BFSP1: variants seen among roughly 807,000 people sequenced by gnomAD.
BFSP1 encodes the protein beaded filament structural protein 1.
In BFSP1, 38 loss-of-function variants were observed where a neutral mutation model predicts 43.9. The ratio of observed to expected loss-of-function variants is 0.87; its 90% CI spans 0.67 to 1.14. The LOEUF is 1.14. BFSP1 is among the 50% of genes most tolerant of loss of function. BFSP1 has a pLI of 0.00. For missense variants in BFSP1, 850 were observed against 875.1 expected, an observed-to-expected ratio of 0.97 and a Z score of 0.36; for synonymous variants, 352 against 354.8, an observed-to-expected ratio of 0.99 and a Z score of 0.09.
At chr20:17,556,088 A>G (rs2034986015) in intron 1 of BFSP1, among the ~76,000 whole-genome samples, 1 of 152,252 alleles carries the variant, frequency 6.6e-6, no homozygotes, top group Admixed American at 6.5e-5. Context: ...TAGTTAGACA[A>G]AAAGTTTTGG....
chr20:17,519,602 C>T (rs1027172177), intron 2 of BFSP1, among the ~76,000 whole-genome samples: 2 of 152,236 alleles, frequency 1.3e-5, no homozygotes, highest in African/African-American at 2.4e-5. Flanking sequence ...CTCCATCCTT[C>T]GAGGTGCCTG....
At chr20:17,548,931 C>T (rs2034850428) in intron 1 of BFSP1, among the ~76,000 whole-genome samples, 1 of 152,128 alleles carries the variant, frequency 6.6e-6, no homozygotes, top group South Asian at 2.1e-4. Context: ...CCCTTGCCTC[C>T]CAAATAGCTG....
intron 1 of BFSP1, among the ~76,000 whole-genome samples, chr20:17,526,518 G>A (rs965389157): frequency 7.9e-5 from 12 of 152,140 alleles, no homozygotes; most frequent in Admixed American, 6.5e-4. Flanking sequence ...CCTTTTTAAG[G>A]GTGTATAATA....
upstream of BFSP1, among the ~76,000 whole-genome samples, chr20:17,559,245 C>A (rs537314590): frequency 2.7e-4 from 41 of 152,218 alleles, no homozygotes; most frequent in African/African-American, 9.6e-4. Context: ...AAAACAACAA[C>A]AACAACAACA....
At chr20:17,534,218 G>C (rs755377867), upstream of BFSP1, among the ~76,000 whole-genome samples, 1 of 152,214 alleles carries the variant, frequency 6.6e-6, no homozygotes, top group African/African-American at 2.4e-5. Flanking sequence ...TTGATGAAAG[G>C]TCAGCTATGG....
chr20:17,554,735 C>T (rs2034961581), intron 1 of BFSP1, among the ~76,000 whole-genome samples: 1 of 152,128 alleles, frequency 6.6e-6, no homozygotes, highest in Non-Finnish European at 1.5e-5. Flanking sequence ...CCAAACCTAA[C>T]CCATGCAATG....
chr20:17,496,105 C>G (rs1420044068), intron 7 of BFSP1, among the ~76,000 whole-genome samples: 1 of 152,180 alleles, frequency 6.6e-6, no homozygotes, highest in African/African-American at 2.4e-5. Context: ...AACTTCAGAA[C>G]AGCATTAGCA....
intron 2 of BFSP1, 60 bp downstream of exon 2, chr20:17,524,788 C>T: frequency 6.4e-7 from 1 of 1,559,870 alleles, no homozygotes; most frequent in South Asian, 1.1e-5. Flanking sequence ...ACCTGCACTT[C>T]CACCATTCCA....
chr20:17,495,298 A>G (rs1223637615), intron 7 of BFSP1, among the ~76,000 whole-genome samples: 1 of 152,184 alleles, frequency 6.6e-6, no homozygotes, highest in Non-Finnish European at 1.5e-5. Context: ...TGACACCCAC[A>G]GTTCACCACC....
chr20:17,504,350 C>T (rs1408269335), intron 5 of BFSP1, among the ~76,000 whole-genome samples: 1 of 152,118 alleles, frequency 6.6e-6, no homozygotes, highest in African/African-American at 2.4e-5. Flanking sequence ...GAAGAGTGTT[C>T]AGGAAAACCA....
chr20:17,510,113 C>G (rs759801006), intron 4 of BFSP1, among the ~76,000 whole-genome samples: 5 of 152,216 alleles, frequency 3.3e-5, no homozygotes, highest in Non-Finnish European at 5.9e-5. Flanking sequence ...AAAGATGTGA[C>G]ACTTTCTCAA....
At chr20:17,504,079 T>C (rs749985641) in intron 5 of BFSP1, among the ~76,000 whole-genome samples, 11 of 152,186 alleles carry the variant, frequency 7.2e-5, no homozygotes, top group Non-Finnish European at 1.5e-4. Flanking sequence ...CATTTGTGTT[T>C]GTTTGAAGAA....
upstream of BFSP1, among the ~76,000 whole-genome samples, chr20:17,562,735 A>G (rs1028124875): frequency 1.3e-5 from 2 of 152,172 alleles, no homozygotes; most frequent in Non-Finnish European, 2.9e-5. Context: ...TTACTCTACC[A>G]TAACGACTAA....
Position 17,541,131 on chromosome 20 carries a change from A to T in BFSP1, c.3-16223T>A, listed in dbSNP as rs1214581561. 7 of 407,092 alleles carry T rather than the reference A, an allele frequency of 1.7e-5. No homozygotes were observed. The Admixed American group carries it at 2.6e-4, about 15-fold the overall frequency. The allele number at this position is 407,092 out of a possible 1,614,324, so 25.2% of individuals were successfully genotyped here. On this transcript the variant is annotated intron_variant, in intron 1 of 7. Transcript: ENST00000377868. Reference sequence around the variant, plus strand: ...CTGGAGACCGGGAGTTCAAGGCTGCAGTGAGCAATGATCATTCCTGTGAAT... The same window carrying T: ...CTGGAGACCGGGAGTTCAAGGCTGCTGTGAGCAATGATCATTCCTGTGAAT...
upstream of BFSP1, among the ~76,000 whole-genome samples, chr20:17,532,122 C>A (rs925574068): frequency 6.6e-6 from 1 of 152,156 alleles, no homozygotes; most frequent in African/African-American, 2.4e-5. Flanking sequence ...AATAGAGCCC[C>A]ACCCATGGGC....
chr20:17,509,972 TTC>T (rs2034037897), intron 4 of BFSP1, among the ~76,000 whole-genome samples: 1 of 152,216 alleles, frequency 6.6e-6, no homozygotes, highest in Non-Finnish European at 1.5e-5. Flanking sequence ...CAATGAGGGT[TTC>T]TGTGTCCAGA....
intron 5 of BFSP1, among the ~76,000 whole-genome samples, chr20:17,505,781 G>T (rs1257509649): frequency 6.6e-6 from 1 of 152,126 alleles, no homozygotes; most frequent in Non-Finnish European, 1.5e-5. Flanking sequence ...CACCATCACA[G>T]GGACACCTAG....
intron 7 of BFSP1, among the ~76,000 whole-genome samples, chr20:17,496,125 G>C (rs140536450): frequency 1.8e-4 from 27 of 152,340 alleles, no homozygotes; most frequent in African/African-American, 6.0e-4. Flanking sequence ...AGAGCATTCA[G>C]CCAAGCTGGG....
upstream of BFSP1, among the ~76,000 whole-genome samples, chr20:17,533,903 G>C (rs148795498): frequency 7.2e-3 from 1,095 of 152,304 alleles, 17 homozygotes; most frequent in East Asian, 0.019. Flanking sequence ...TCAAGTCTCT[G>C]CCCTCAGGGT....
Sources: allele counts gnomAD v4.1 joint callset (sites outside exome capture counted in the v4.1 genomes callset), GRCh38; gene constraint gnomAD v4.1.1; transcripts MANE v1.5; gene names NCBI Gene and HGNC (gene_info 2026-07-23, HGNC 2026-07-21).